KRT81: variants seen among roughly 807,000 people sequenced by gnomAD.
KRT81 encodes keratin 81.
KRT81 carries 35 observed loss-of-function variants against 35.8 expected under a neutral mutation model. The ratio of observed to expected loss-of-function variants is 0.98; its 90% CI spans 0.75 to 1.30. The LOEUF is 1.30. Ranked by LOEUF, KRT81 falls within the 50% of genes most tolerant of loss-of-function variation. The pLI, the probability that KRT81 is intolerant of heterozygous loss-of-function variation, is 0.00. For synonymous variants in KRT81, 249 were observed against 251.2 expected (o/e 0.99, Z 0.08); for missense variants, 531 against 577.4 (o/e 0.92, Z 0.82).
intron 7 of KRT81, 103 bp downstream of exon 7, chr12:52,286,999 T>C: frequency 6.3e-7 from 1 of 1,592,586 alleles, no homozygotes; most frequent in South Asian, 1.1e-5. Flanking sequence ...AATAATAATA[T>C]TTTTTTCCCC....
In KRT81 at chr12:52,288,046, C is replaced by G. The variant is rs1938015275; in HGVS notation, c.838G>C (p.Ala280Pro). The G allele has an allele frequency of 1.2e-6, 2 of 1,614,114 alleles. No homozygotes were observed. Among genetic ancestry groups the G allele is most frequent in the African/African-American group, 2.7e-5 (2 of 74,934 alleles). The change falls in exon 5 of 9, where the codon GCA (alanine) becomes CCA (proline). Residue 280 changes from alanine (A) to proline (P), a missense_variant. Ala to Pro is a conservative substitution (Grantham distance 27, BLOSUM62 -1). Transcript: ENST00000327741. ...NMDCIIAEIK[A>P]QYDDIVTRSR... ...CGGGTGACAATGTCGTCATACTGTG[C>G]CTTAATCTCGGCAATGATGCAGTCC...
rs536514099 is a variant in KRT81, at chr12:52,288,021, C to T, written c.863G>A (p.Arg288His). The T allele has an allele frequency of 4.8e-5, 77 of 1,614,214 alleles. No individual in the cohort carries two copies. The highest frequency in any genetic ancestry group is 1.2e-4 in the African/African-American group (9 of 75,042). ...CCAGGACTCGGCCTCGGCCCGGCTG[C>T]GGGTGACAATGTCGTCATACTGTGC... Reference protein sequence around the residue: ...IKAQYDDIVTRSRAEAESWYR... With the variant: ...IKAQYDDIVTHSRAEAESWYR... The change falls in exon 5 of 9, where the codon CGC becomes CAC. Residue 288 changes from arginine to histidine, a missense_variant. Arg to His is a conservative substitution (Grantham distance 29). This residue lies in a region of KRT81 where 194 missense variants were observed against 198.2 expected (regional missense o/e 0.98). Transcript: ENST00000327741.
intron 4 of KRT81, 44 bp downstream of exon 4, chr12:52,288,315 CCT>C (rs1938026957): frequency 6.2e-7 from 1 of 1,612,478 alleles, no homozygotes; most frequent in Non-Finnish European, 8.5e-7. Flanking sequence ...CCCCAACTCT[CCT>C]CTCTGCTGGC....
rs1373865612 is a variant in KRT81 at position 52,289,060 on chromosome 12, TGCTCAATACAA to T, written c.639+144_639+154del. Among the ~76,000 whole-genome samples the T allele has an allele frequency of 2.8e-5, 3 of 107,150 alleles. No individual in the cohort carries two copies. The East Asian group carries it at 7.9e-4, about 28-fold the overall frequency. 70.3% of individuals were successfully genotyped at this position (107,150 alleles called of 152,430 possible). On this transcript the variant is annotated intron_variant, in intron 3 of 8. Coordinates refer to ENST00000327741, the MANE Select transcript of KRT81 (RefSeq NM_002281.4). ...CATTGCCCTTTGTCAAGGCCCTGGATGCTCAATACAAAGGCCTGCATCTGGGCAGTCCTAGC... is the reference window on the plus strand; with the variant it reads ...CATTGCCCTTTGTCAAGGCCCTGGATAGGCCTGCATCTGGGCAGTCCTAGC...
rs756076197 is a variant in KRT81, at chr12:52,291,400, G to T, written c.66C>A (p.Pro22=). The T allele has an allele frequency of 1.9e-6, 3 of 1,609,990 alleles. No individual in the cohort carries two copies. Among genetic ancestry groups the T allele is most frequent in the African/African-American group, 2.7e-5 (2 of 74,856 alleles). ...GGGCGGCGGTGATGCAGCAGCGGCC[G>T]GGCCGCGGCCCGCAGGCCGAGATGC... The part of the protein sequence containing the change: ...FSCISACGPR[P]GRCCITAAPY... The change falls in exon 1 of 9, where the codon CCC becomes CCA. Residue 22 remains proline, a synonymous_variant. Transcript: ENST00000327741.
rs1356259575 is a variant in KRT81 at position 52,291,102 on chromosome 12, C to T, written c.364G>A (p.Asp122Asn). ...SLNSRFAAFIDKVRFLEQQNK... is the reference protein window; with the variant it reads ...SLNSRFAAFINKVRFLEQQNK... ...GTGTGATCCAGGACACCCACCTTGT[C>T]GATGAAGGCCGCGAACCTGCTGTTG... The change falls in exon 1 of 9, where the codon GAC becomes AAC. Residue 122 changes from aspartate (D) to asparagine (N), a missense_variant. This residue lies in a region of KRT81 where 194 missense variants were observed against 198.2 expected (regional missense o/e 0.98). Coordinates refer to ENST00000327741, the MANE Select transcript of KRT81 (RefSeq NM_002281.4). 6 of 707,724 alleles carry T rather than the reference C, an allele frequency of 8.5e-6. No homozygotes were observed. The highest frequency in any genetic ancestry group is 7.6e-5 in the South Asian group (4 of 52,292). 43.8% of individuals were successfully genotyped at this position (707,724 alleles called of 1,614,324 possible). A position where few individuals can be genotyped will look rare whatever the true frequency, so the allele number is the denominator to read the frequency against.
intron 6 of KRT81, 49 bp downstream of exon 6, chr12:52,287,547 A>C (rs376117282): frequency 3.7e-5 from 59 of 1,613,772 alleles, no homozygotes; most frequent in Middle Eastern, 1.6e-4. Context: ...GCTGTGTGAC[A>C]ATGGTTAGGC....
intron 4 of KRT81, 26 bp from the exon 5 acceptor site, chr12:52,288,174 T>C: frequency 3.1e-6 from 5 of 1,613,132 alleles, no homozygotes; most frequent in Non-Finnish European, 4.2e-6. Context: ...GCAGTGACTT[T>C]AGTTGAGAAT....
chr12:52,288,449 T>C lies in KRT81; in HGVS notation c.647A>G (p.Asp216Gly). Residue 216 changes from aspartate (D) to glycine (G), a missense_variant, in exon 4 of 9, where the codon GAC (aspartate) becomes GGC (glycine). Around this residue, in one of 5 missense-constraint regions of KRT81, gnomAD observed 194 missense variants for 198.2 expected, o/e 0.98. Transcript: ENST00000327741. ...NEFVALKKDV[D>G]CAYLRKSDLE... ...GTCTGACTTGCGGAGGTAGGCGCAGTCCACATCCTGGAAAGGTGGGGAGTG... is the reference window on the plus strand; with the variant it reads ...GTCTGACTTGCGGAGGTAGGCGCAGCCCACATCCTGGAAAGGTGGGGAGTG... 6.2e-7 allele frequency: 1 copy of C among 1,614,026 alleles called. No homozygotes were observed. The highest frequency in any genetic ancestry group is 8.5e-7 in the Non-Finnish European group (1 of 1,179,994).
Position 52,286,445 on chromosome 12 carries a change from G to A in KRT81, c.1328C>T (p.Ser443Leu). 6.4e-7 allele frequency: 1 copy of A among 1,552,878 alleles called. No homozygotes were observed. The highest frequency in any genetic ancestry group is 8.7e-7 in the Non-Finnish European group (1 of 1,147,974). Residue 443 changes from serine to leucine, a missense_variant, in exon 9 of 9, where the codon TCA (serine) becomes TTA (leucine). This residue lies in a region of KRT81 where 150 missense variants were observed against 145.4 expected (regional missense o/e 1.03). Coordinates refer to ENST00000327741, the MANE Select transcript of KRT81 (RefSeq NM_002281.4). ...GGVVCGDLCV[S>L]GSRPVTGSVC... ...ACTGCCAGTCACTGGCCGGGAGCCT[G>A]ACACGCAGAGGTCCCCGCACACGAC...
chr12:52,287,167 G>A lies in KRT81; in HGVS notation c.1182C>T (p.Asn394=), dbSNP rs1411068026. The A allele has an allele frequency of 2.5e-6, 4 of 1,613,546 alleles. No homozygotes were observed. The highest frequency in any genetic ancestry group is 1.7e-4 in the Middle Eastern group (1 of 5,724). Residue 394 remains asparagine (N), a synonymous_variant, in exon 7 of 9, where the codon AAC becomes AAT. Coordinates refer to ENST00000327741, the MANE Select transcript of KRT81 (RefSeq NM_002281.4). ...TCTCGATGTCCAGGCCCAGCTTGGA[G>A]TTCATCACCTCCTGGTACTCCCTGA... ...CLIREYQEVM[N]SKLGLDIEIA... is the part of the protein sequence containing the mutation.
At chr12:52,287,533 A>G (rs1206949478) in intron 6 of KRT81, 63 bp downstream of exon 6, 35 of 1,613,672 alleles carry the variant, frequency 2.2e-5, no homozygotes, top group African/African-American at 2.7e-5. Context: ...TAGGGCACAC[A>G]TAGGCTGTGT....
At position 52,286,266 on chromosome 12, in the gene KRT81, G is replaced by A. The variant is rs376061576; in HGVS notation, c.1507C>T (p.Arg503Trp). ...LGVGSCGSSC[R>W]KC ...TTGAGTTGGGGTGCCTAACATTTCC[G>A]GCAGCTGCTGCCGCAAGACCCCACA... Residue 503 changes from arginine (R) to tryptophan (W), a missense_variant, in exon 9 of 9, where the codon CGG (arginine) becomes TGG (tryptophan). Coordinates refer to ENST00000327741, the MANE Select transcript of KRT81 (RefSeq NM_002281.4). 35 of 1,553,832 alleles carry A rather than the reference G, an allele frequency of 2.3e-5. No homozygotes were observed. Among genetic ancestry groups the A allele is most frequent in the African/African-American group, 5.5e-5 (4 of 73,336 alleles).
At chr12:52,286,995 A>G (rs1937964338) in intron 7 of KRT81, 107 bp downstream of exon 7, 40 of 1,591,938 alleles carry the variant, frequency 2.5e-5, no homozygotes, top group Non-Finnish European at 3.4e-5. Context: ...AGTGAATAAT[A>G]ATATTTTTTT....
At position 52,287,341 on chromosome 12, in the gene KRT81, A is replaced by T; in HGVS notation, c.1027-19T>A. 6.2e-7 allele frequency: 1 copy of T among 1,613,892 alleles called. No homozygotes were observed. The highest frequency in any genetic ancestry group is 8.5e-7 in the Non-Finnish European group (1 of 1,179,950). On this transcript the variant is annotated intron_variant, in intron 6 of 8. Transcript: ENST00000327741. ...TGGAGTTCTGAAGAGAACAGAAAGA[A>T]CAAGGTAGATTAGAGTCCCTGGGTC...
rs1354138080 is a variant in KRT81, at chr12:52,286,451, C to T, written c.1322G>A (p.Cys441Tyr). The change falls in exon 9 of 9, where the codon TGC (cysteine) becomes TAC (tyrosine). Residue 441 changes from cysteine to tyrosine, a missense_variant. This residue lies in a region of KRT81 where 150 missense variants were observed against 145.4 expected (regional missense o/e 1.03). Transcript: ENST00000327741. ...SRGGVVCGDL[C>Y]VSGSRPVTGS... Reference sequence around the variant, plus strand: ...AGTCACTGGCCGGGAGCCTGACACGCAGAGGTCCCCGCACACGACCCCGCC... The same window carrying T: ...AGTCACTGGCCGGGAGCCTGACACGTAGAGGTCCCCGCACACGACCCCGCC... 1 of 1,552,828 alleles carries T rather than the reference C, an allele frequency of 6.4e-7. No homozygotes were observed.
chr12:52,287,696 A>C lies in KRT81; in HGVS notation c.926T>G (p.Ile309Ser). The change falls in exon 6 of 9, where the codon ATC becomes AGC. Residue 309 changes from isoleucine (I) to serine (S), a missense_variant. Physicochemically the swap from Ile to Ser is moderately radical, Grantham distance 142 (BLOSUM62 -2). Transcript: ENST00000327741. ...SKCEEMKATV[I>S]RHGETLRRTK... ...GCGGCGCAGGGTCTCCCCGTGCCTG[A>C]TCACCGTGGCCTTCATCTCCTCACA... The C allele has an allele frequency of 6.2e-7, 1 of 1,613,970 alleles. No homozygotes were observed. Among genetic ancestry groups the C allele is most frequent in the Non-Finnish European group, 8.5e-7 (1 of 1,179,920 alleles).
Position 52,286,311 on chromosome 12 carries a change from A to G in KRT81, c.1462T>C (p.Cys488Arg), listed in dbSNP as rs1937928449. ...CCCACACCCAGGGAGCTGATACCAC[A>G]GGAGCCCACGCCGCAGGAACCCCCT... The part of the protein sequence containing the change: ...CGGGSCGVGS[C>R]GISSLGVGSC... The change falls in exon 9 of 9, where the codon TGT (cysteine) becomes CGT (arginine). Residue 488 changes from cysteine to arginine, a missense_variant. By Grantham distance (180) the Cys-to-Arg change is radical. Coordinates refer to ENST00000327741, the MANE Select transcript of KRT81 (RefSeq NM_002281.4). 6.4e-7 allele frequency: 1 copy of G among 1,554,534 alleles called. No individual in the cohort carries two copies. Among genetic ancestry groups the G allele is most frequent in the African/African-American group, 1.4e-5 (1 of 73,318 alleles).
chr12:52,286,359 C>T lies in KRT81; in HGVS notation c.1414G>A (p.Gly472Ser), dbSNP rs551755048. The change falls in exon 9 of 9, where the codon GGC becomes AGC. Residue 472 changes from glycine (G) to serine (S), a missense_variant. Gly to Ser is a moderately conservative substitution (Grantham distance 56, BLOSUM62 0). This residue lies in a region of KRT81 where 150 missense variants were observed against 145.4 expected (regional missense o/e 1.03). Coordinates refer to ENST00000327741, the MANE Select transcript of KRT81 (RefSeq NM_002281.4). ...CCTCCGCAGGTGGTGTTCAATTGGC[C>T]GCAGGGCGCACACAGGCCGGTGCTC... ...AVSTGLCAPC[G>S]QLNTTCGGGS... 457 of 1,555,134 alleles carry T rather than the reference C, an allele frequency of 2.9e-4. 4 individuals carry two copies. The South Asian group carries it at 4.4e-3, about 15-fold the overall frequency.
Sources: allele counts gnomAD v4.1 joint callset (sites outside exome capture counted in the v4.1 genomes callset), GRCh38; gene constraint gnomAD v4.1.1; regional missense constraint gnomAD v4.1.1; transcripts MANE v1.5; gene names NCBI Gene and HGNC (gene_info 2026-07-23, HGNC 2026-07-21).